The following WNT5B variants were observed in gnomAD, a reference collection of about 807,000 sequenced individuals.
The protein encoded by WNT5B is protein Wnt-5b.
A neutral mutation model predicts 36.5 loss-of-function variants in WNT5B; 18 were observed. The ratio of observed to expected loss-of-function variants is 0.49; its 90% CI spans 0.34 to 0.73. The LOEUF is 0.73. WNT5B is among the 30% of genes least tolerant of loss of function. The probability of loss-of-function intolerance (pLI) is 0.01; values close to 1 mark genes in which losing one functional copy is unlikely to be tolerated. For missense variants in WNT5B, 424 were observed against 508.4 expected, an observed-to-expected ratio of 0.83 and a Z score of 1.60; for synonymous variants, 213 against 212.3, an observed-to-expected ratio of 1.00 and a Z score of -0.03.
chr12:1,630,163 C>G lies in WNT5B; in HGVS notation c.-58+792C>G. ...GCACCCGCCGCCCCCTCCCGGGGAG[C>G]CTGGGGACGCCGACGCGCGAGAGTG... On this transcript the variant is annotated intron_variant, in intron 1 of 4. Coordinates refer to ENST00000397196, the MANE Select transcript of WNT5B (RefSeq NM_032642.3). This position sits in a 1 kb window ranked among gnomAD's most constrained non-coding sequence, Gnocchi z 5.3. 1 of 985,418 alleles carries G rather than the reference C, an allele frequency of 1.0e-6. No homozygotes were observed. Among genetic ancestry groups the G allele is most frequent in the Non-Finnish European group, 1.2e-6 (1 of 829,968 alleles). The allele number at this position is 985,418 out of a possible 1,614,324, so 61.0% of individuals were successfully genotyped here.
At chr12:1,617,354 G>C (rs914929014) in intron 1 of WNT5B, among the ~76,000 whole-genome samples, 4 of 151,390 alleles carry the variant, frequency 2.6e-5, no homozygotes, top group Admixed American at 6.6e-5. Context: ...TTAAAGAACA[G>C]CATGATGGGC....
At position 1,633,076 on chromosome 12, in the gene WNT5B, C is replaced by G. The variant is rs1171460856; in HGVS notation, c.328+171C>G. Among the ~76,000 whole-genome samples, 1 of 152,212 alleles carries G rather than the reference C, an allele frequency of 6.6e-6. No individual in the cohort carries two copies. Among genetic ancestry groups the G allele is most frequent in the Non-Finnish European group, 1.5e-5 (1 of 68,038 alleles). ...AGAGAGGCACACGAGGAAGCAGGCT[C>G]TGGGAGGCTGCAGAAACCACACGCT... On this transcript the variant is annotated intron_variant, in intron 3 of 4. Transcript: ENST00000397196. This position sits in a 1 kb window ranked among gnomAD's most constrained non-coding sequence, Gnocchi z 4.8.
rs992128363 is a variant in WNT5B at position 1,639,941 on chromosome 12, C to G, written c.586C>G (p.Leu196Val). 1 of 1,613,658 alleles carries G rather than the reference C, an allele frequency of 6.2e-7. No homozygotes were observed. Among genetic ancestry groups the G allele is most frequent in the African/African-American group, 1.3e-5 (1 of 74,878 alleles). ...AKGSEEQGRV[L>V]MNLQNNEAGR... ...AGGATCAGAGGAGCAGGGCCGGGTG[C>G]TCATGAACCTGCAAAACAACGAGGC... Residue 196 changes from leucine (L) to valine (V), a missense_variant, in exon 4 of 5, where the codon CTC (leucine) becomes GTC (valine). By Grantham distance (32) the Leu-to-Val change is conservative. Transcript: ENST00000397196.
At chr12:1,617,954 T>C (rs985843874) in intron 1 of WNT5B, among the ~76,000 whole-genome samples, 23 of 152,004 alleles carry the variant, frequency 1.5e-4, no homozygotes, top group Admixed American at 3.9e-4. Context: ...GCCTGGACAA[T>C]ATAGGGAGAC....
intron 1 of WNT5B, 84 bp from the exon 2 acceptor site, chr12:1,631,214 C>A: frequency 1.5e-6 from 2 of 1,314,892 alleles, no homozygotes; most frequent in Non-Finnish European, 2.1e-6. Context: ...AGCATCAGTG[C>A]AACTTTCTCC....
At chr12:1,640,122 A>G (rs1264893529) in intron 4 of WNT5B, 146 bp downstream of exon 4, 2 of 937,416 alleles carry the variant, frequency 2.1e-6, no homozygotes, top group East Asian at 3.0e-5. Flanking sequence ...TTACATGTCC[A>G]CGTTATTGAA....
rs749237184 is a variant in WNT5B, at chr12:1,639,729, T to TG, written c.376dup (p.Val126GlyfsTer86). On this transcript the variant is annotated frameshift_variant, in exon 4 of 5. Transcript: ENST00000397196. LOFTEE classifies it high-confidence loss of function. ...ACCCACGCGGTGAGCGCCGCGGGCG[T>TG]GGTCAACGCCATCAGCCGGGCCTGC... is the stretch of plus-strand genomic sequence containing the variant. The TG allele has an allele frequency of 6.3e-7, 1 of 1,597,842 alleles. No individual in the cohort carries two copies. Among genetic ancestry groups the TG allele is most frequent in the South Asian group, 1.1e-5 (1 of 89,722 alleles).
At chr12:1,641,235 A>G (rs1342361539) in intron 4 of WNT5B, among the ~76,000 whole-genome samples, 2 of 151,856 alleles carry the variant, frequency 1.3e-5, no homozygotes, top group African/African-American at 4.8e-5. Context: ...AAATACAAAA[A>G]ATTAGCTGGA....
rs200966877 is a variant in WNT5B, at chr12:1,632,840, G to T, written c.263G>T (p.Arg88Leu). 3.7e-6 allele frequency: 6 copies of T among 1,614,012 alleles called. No individual in the cohort carries two copies. The African/African-American group carries it at 4.0e-5, about 11-fold the overall frequency. The change falls in exon 3 of 5, where the codon CGG becomes CTG. Residue 88 changes from arginine (R) to leucine (L), a missense_variant. Transcript: ENST00000397196. The surrounding 1 kb of genome is among the most constrained non-coding windows in gnomAD (Gnocchi z 5.8). ...TGIKECQHQF[R>L]QRRWNCSTAD... ...ATCAAGGAATGCCAGCACCAGTTCC[G>T]GCAGCGGCGGTGGAATTGCAGCACA...
chr12:1,644,181 C>G lies in WNT5B; in HGVS notation c.622-1613C>G, dbSNP rs1330212691. ...GTCAGGCTGCAGCTCAGACCCAGGG[C>G]ATTTGGGATGGAAGGGTCATTGCAG... On this transcript the variant is annotated intron_variant, in intron 4 of 4. Transcript: ENST00000397196. The surrounding 1 kb of genome is among the most constrained non-coding windows in gnomAD (Gnocchi z 5.1). 6.6e-6 allele frequency among the ~76,000 whole-genome samples: 1 copy of G among 152,166 alleles called. No individual in the cohort carries two copies. The highest frequency in any genetic ancestry group is 2.4e-5 in the African/African-American group (1 of 41,442).
upstream of WNT5B, among the ~76,000 whole-genome samples, chr12:1,625,971 T>TTC (rs1420971602): frequency 3.4e-5 from 5 of 148,788 alleles, no homozygotes; most frequent in South Asian, 2.1e-4. Flanking sequence ...CCTGTTTTTT[T>TTC]TCTCTCTCTT....
chr12:1,627,664 A>G (rs1210516240), upstream of WNT5B, among the ~76,000 whole-genome samples: 2 of 152,072 alleles, frequency 1.3e-5, no homozygotes, highest in African/African-American at 4.8e-5. This position sits in a 1 kb window ranked among gnomAD's most constrained non-coding sequence, Gnocchi z 5.0. Flanking sequence ...TTTGGTTGTG[A>G]TGGTGAAGTG....
At chr12:1,642,795 C>G (rs544587864) in intron 4 of WNT5B, among the ~76,000 whole-genome samples, 1 of 152,334 alleles carries the variant, frequency 6.6e-6, no homozygotes, top group African/African-American at 2.4e-5. Flanking sequence ...CCTTCCCTGT[C>G]TGTCTCCCCG....
Position 1,633,099 on chromosome 12 carries a change from G to A in WNT5B, c.328+194G>A, listed in dbSNP as rs1051211058. Among the ~76,000 whole-genome samples, 5 of 152,278 alleles carry A rather than the reference G, an allele frequency of 3.3e-5. No individual in the cohort carries two copies. The South Asian group carries it at 6.3e-4, about 19-fold the overall frequency. ...CTCTGGGAGGCTGCAGAAACCACAC[G>A]CTTGATGTTCCTCTAGCTCTCTGCC... On this transcript the variant is annotated intron_variant, in intron 3 of 4. Coordinates refer to ENST00000397196, the MANE Select transcript of WNT5B (RefSeq NM_032642.3). The surrounding 1 kb of genome is among the most constrained non-coding windows in gnomAD (Gnocchi z 4.8).
intron 3 of WNT5B, 91 bp from the exon 4 acceptor site, chr12:1,639,593 G>T (rs2094569897): frequency 4.4e-6 from 6 of 1,375,148 alleles, no homozygotes; most frequent in Non-Finnish European, 5.7e-6. Context: ...GCAGAGCCGT[G>T]GCGTGCGGGT....
rs1198186343 is a variant in WNT5B at position 1,632,252 on chromosome 12, GT to G, written c.81-403del. Among the ~76,000 whole-genome samples the G allele has an allele frequency of 6.6e-6, 1 of 152,188 alleles. No individual in the cohort carries two copies. The highest frequency in any genetic ancestry group is 2.4e-5 in the African/African-American group (1 of 41,438). The stretch of plus-strand genomic sequence containing the variant: ...ATGAGGCCTGTGCTCTCCTGTTGAG[GT>G]TTGGCTCTTTTTGCCCTCTATTAAA... On this transcript the variant is annotated intron_variant, in intron 2 of 4. Transcript: ENST00000397196. The surrounding 1 kb of genome is among the most constrained non-coding windows in gnomAD (Gnocchi z 5.8).
At chr12:1,631,908 T>C (rs2094551653) in intron 2 of WNT5B, among the ~76,000 whole-genome samples, 1 of 152,120 alleles carries the variant, frequency 6.6e-6, no homozygotes, top group Admixed American at 6.6e-5. Flanking sequence ...GACAGGGAAA[T>C]GGCAGGCGAT....
upstream of WNT5B, among the ~76,000 whole-genome samples, chr12:1,627,856 T>A (rs191247229): frequency 6.6e-6 from 1 of 152,318 alleles, no homozygotes; most frequent in East Asian, 1.9e-4. This position sits in a 1 kb window ranked among gnomAD's most constrained non-coding sequence, Gnocchi z 5.0. Flanking sequence ...CCATTCTTGA[T>A]TCTGGTCCCC....
intron 3 of WNT5B, among the ~76,000 whole-genome samples, chr12:1,636,720 T>TTTG: frequency 6.6e-6 from 1 of 151,420 alleles, no homozygotes; most frequent in African/African-American, 2.4e-5. Flanking sequence ...TTTGTTTTGT[T>TTTG]TTGTTTTGTT....
Sources: gnomAD v4.1 joint callset for allele counts (sites outside exome capture counted in the v4.1 genomes callset) on GRCh38, gnomAD v4.1.1 for gene constraint, Gnocchi (gnomAD v3.1) non-coding constraint, MANE v1.5 for transcripts, NCBI Gene and HGNC (gene_info 2026-07-23, HGNC 2026-07-21) for gene names.